Variants in CHM observed in about 807,000 individuals in gnomAD.
CHM encodes CHM Rab escort protein.
In CHM, 10 loss-of-function variants were observed where a neutral mutation model predicts 49.0. The observed-to-expected ratio is 0.20, with a 90% CI of 0.13 to 0.35. The LOEUF (loss-of-function observed/expected upper bound fraction) is 0.35, where lower values mean the gene tolerates loss of function less well. Among genes scored for constraint, CHM ranks in the 10% least tolerant of loss-of-function variants. The probability of loss-of-function intolerance (pLI) is 1.00; values close to 1 mark genes in which losing one functional copy is unlikely to be tolerated. For missense variants in CHM, 455 were observed against 478.4 expected, an observed-to-expected ratio of 0.95 and a Z score of 0.46; for synonymous variants, 184 against 167.5, an observed-to-expected ratio of 1.10 and a Z score of -0.76.
intron 13 of CHM, among the ~76,000 whole-genome samples, chrX:85,873,725 T>A (rs1275954444): frequency 9.0e-6 from 1 of 110,911 alleles, no homozygotes; most frequent in African/African-American, 3.3e-5. Context: ...GTATGGACAA[T>A]TCTACAAATA....
chrX:85,884,453 A>C (rs1034412709), intron 12 of CHM, among the ~76,000 whole-genome samples: 2 of 110,945 alleles, frequency 1.8e-5, no homozygotes, highest in African/African-American at 3.3e-5. Flanking sequence ...GGCACATAGA[A>C]ATTAAGTAAC....
intron 2 of CHM, among the ~76,000 whole-genome samples, chrX:86,010,517 T>C (rs1487714074): frequency 2.4e-4 from 27 of 110,748 alleles, no homozygotes; most frequent in Non-Finnish European, 5.1e-4. Flanking sequence ...AAACTATCTA[T>C]ACCAATTTCA....
At chrX:86,017,503 G>A (rs991026853) in intron 2 of CHM, among the ~76,000 whole-genome samples, 1 of 111,218 alleles carries the variant, frequency 9.0e-6, no homozygotes, top group Non-Finnish European at 1.9e-5. Context: ...GATGGTTTTA[G>A]CAGGCGTTTC....
At chrX:86,038,496 C>T (rs890942382) in intron 1 of CHM, among the ~76,000 whole-genome samples, 2 of 111,953 alleles carry the variant, frequency 1.8e-5, no homozygotes, top group African/African-American at 3.3e-5. Flanking sequence ...GTGCCCCTAC[C>T]GCCTGGGGCA....
chrX:85,989,190 G>A (rs1370601319), intron 2 of CHM, among the ~76,000 whole-genome samples: 1 of 110,984 alleles, frequency 9.0e-6, no homozygotes, highest in Non-Finnish European at 1.9e-5. Flanking sequence ...CCAGAAATAA[G>A]GTTGCCCACC....
At chrX:85,964,881 G>T (rs1429369463) in intron 4 of CHM, among the ~76,000 whole-genome samples, 1 of 112,504 alleles carries the variant, frequency 8.9e-6, no homozygotes, top group Non-Finnish European at 1.9e-5. Flanking sequence ...ATCCTCCACA[G>T]AACCCACTAT....
At chrX:86,025,978 T>C (rs1933792208) in intron 2 of CHM, among the ~76,000 whole-genome samples, 1 of 110,438 alleles carries the variant, frequency 9.1e-6, no homozygotes, top group Non-Finnish European at 1.9e-5. Context: ...ATTCTACCTT[T>C]GAGAAATGAG....
chrX:85,977,974 A>G (rs1330667208), intron 4 of CHM, among the ~76,000 whole-genome samples: 1 of 112,106 alleles, frequency 8.9e-6, no homozygotes, highest in African/African-American at 3.2e-5. Context: ...GACAAAGCGT[A>G]TCCTGAAGAA....
At position 86,046,054 on chromosome X, in the gene CHM, C is replaced by G. The variant is rs748722138; in HGVS notation, c.49+1430G>C. Among the ~76,000 whole-genome samples, 4 of 112,244 alleles carry G rather than the reference C, an allele frequency of 3.6e-5. No homozygotes were observed. In the East Asian group the frequency reaches 1.1e-3, roughly 32 times the overall value. ...TCCATGCTGTTCTGAGAACTGTTAC[C>G]CAGGCATTTTTTGTTAGACAACATA... On this transcript the variant is annotated intron_variant, in intron 1 of 14. Coordinates refer to ENST00000357749, the MANE Select transcript of CHM (RefSeq NM_000390.4).
intron 2 of CHM, among the ~76,000 whole-genome samples, chrX:86,012,124 A>G (rs748032597): frequency 1.3e-4 from 14 of 111,778 alleles, no homozygotes; most frequent in African/African-American, 3.6e-4. Context: ...ATGCAAAACC[A>G]CTCGGCAGAA....
intron 11 of CHM, among the ~76,000 whole-genome samples, chrX:85,899,213 G>A (rs773880448): frequency 5.4e-5 from 6 of 111,249 alleles, no homozygotes; most frequent in African/African-American, 2.0e-4. Context: ...GTCTGACTGA[G>A]GAAAAATCAG....
At chrX:86,023,991 T>C (rs1933712489) in intron 2 of CHM, among the ~76,000 whole-genome samples, 1 of 111,654 alleles carries the variant, frequency 9.0e-6, no homozygotes, top group African/African-American at 3.3e-5. Flanking sequence ...GTATGATAAA[T>C]GCCATGGCAC....
In CHM at chrX:85,864,759, A is replaced by G. The variant is rs753411700; in HGVS notation, c.1833T>C (p.Pro611=). The G allele has an allele frequency of 2.6e-5, 31 of 1,209,136 alleles. No homozygotes were observed. In the South Asian group the frequency reaches 5.5e-4, roughly 21 times the overall value. Residue 611 remains proline, a synonymous_variant, in exon 15 of 15, where the codon CCT becomes CCC. Transcript: ENST00000357749. ...NEDFCPPPPN[P]EDIILDGDSL... ...TGTCTCCATCAAGGATAATGTCTTC[A>G]GGATTTGGTGGAGGGGGACAGAAAT...
chrX:85,938,264 A>G (rs1176512285), intron 8 of CHM, among the ~76,000 whole-genome samples: 1 of 112,353 alleles, frequency 8.9e-6, no homozygotes, highest in African/African-American at 3.2e-5. Context: ...AAAACAAATA[A>G]TTGATCATAC....
chrX:85,976,875 AACACACACACACACACAC>A (rs201555478), intron 4 of CHM, among the ~76,000 whole-genome samples: 8 of 76,290 alleles, frequency 1.0e-4, no homozygotes, highest in Non-Finnish European at 1.7e-4. Context: ...AACACACACA[AACACACACACACACACAC>A]ACACACACAC....
At chrX:85,922,520 C>T (rs1159236117) in intron 8 of CHM, among the ~76,000 whole-genome samples, 2 of 112,664 alleles carry the variant, frequency 1.8e-5, no homozygotes, top group African/African-American at 6.4e-5. Context: ...TGGAATCCAA[C>T]TCAGCATGGA....
intron 5 of CHM, among the ~76,000 whole-genome samples, chrX:85,959,810 A>T (rs1214042668): frequency 8.9e-6 from 1 of 111,874 alleles, no homozygotes; most frequent in Non-Finnish European, 1.9e-5. Flanking sequence ...AATAAATATT[A>T]AAAATGAATG....
At chrX:86,016,659 C>G (rs1270637418) in intron 2 of CHM, among the ~76,000 whole-genome samples, 1 of 112,402 alleles carries the variant, frequency 8.9e-6, no homozygotes, top group African/African-American at 3.2e-5. Context: ...GCCGGGATAC[C>G]CAGACAGAAG....
chrX:85,904,388 G>T (rs1926467921), intron 9 of CHM, among the ~76,000 whole-genome samples: 1 of 111,457 alleles, frequency 9.0e-6, no homozygotes. Context: ...TCAGTTATTG[G>T]TTCAACGATA....
Sources: allele counts gnomAD v4.1 joint callset (sites outside exome capture counted in the v4.1 genomes callset), GRCh38; gene constraint gnomAD v4.1.1; transcripts MANE v1.5; gene names NCBI Gene and HGNC (gene_info 2026-07-23, HGNC 2026-07-21).